Variants in RIGI observed in about 807,000 individuals in gnomAD.
RIGI encodes RNA sensor RIG-I.
At chr9:32,512,501 G>A in the RIGI span, among the ~76,000 whole-genome samples, 4,540 of 152,086 alleles carry the variant, frequency 0.03, 82 homozygotes, top group South Asian at 0.066. Flanking sequence ...AGAAAACGCC[G>A]TTGATAAAAT....
At chr9:32,459,484 T>G in the RIGI span, 14 of 1,612,288 alleles carry the variant, frequency 8.7e-6, no homozygotes, top group Non-Finnish European at 1.1e-5. Flanking sequence ...CTATCTCTGA[T>G]GAATTTTTCA....
chr9:32,474,877 T>G, the RIGI span, among the ~76,000 whole-genome samples: 2 of 152,206 alleles, frequency 1.3e-5, no homozygotes, highest in African/African-American at 4.8e-5. Flanking sequence ...TAAAGAGATA[T>G]ACTATGGTCA....
At chr9:32,522,065 T>C in the RIGI span, among the ~76,000 whole-genome samples, 2 of 152,260 alleles carry the variant, frequency 1.3e-5, no homozygotes, top group Non-Finnish European at 2.9e-5. Context: ...CTTCTAGGAC[T>C]CTTAATTAGA....
At chr9:32,477,665 C>T in the RIGI span, among the ~76,000 whole-genome samples, 1 of 152,160 alleles carries the variant, frequency 6.6e-6, no homozygotes, top group African/African-American at 2.4e-5. Flanking sequence ...TGGCTCACAC[C>T]TGTAATCCCA....
At chr9:32,496,409 C>T in the RIGI span, among the ~76,000 whole-genome samples, 30,220 of 152,096 alleles carry the variant, frequency 0.2, 3,298 homozygotes, top group Non-Finnish European at 0.26. Flanking sequence ...AAGAAATTCA[C>T]CCTCACTGAT....
the RIGI span, among the ~76,000 whole-genome samples, chr9:32,507,235 T>C: frequency 6.6e-6 from 1 of 152,134 alleles, no homozygotes; most frequent in Admixed American, 6.5e-5. Flanking sequence ...AATTTGAAAA[T>C]AAAACTCATA....
chr9:32,516,028 A>G, the RIGI span, among the ~76,000 whole-genome samples: 1 of 152,340 alleles, frequency 6.6e-6, no homozygotes, highest in South Asian at 2.1e-4. Context: ...CATTTATTCC[A>G]GAAAAACAGA....
At chr9:32,494,399 T>A in the RIGI span, among the ~76,000 whole-genome samples, 3 of 152,252 alleles carry the variant, frequency 2.0e-5, no homozygotes, top group Admixed American at 6.5e-5. Context: ...ATTAAGTAAA[T>A]GGGAAATTTA....
At chr9:32,455,692 C>A in the RIGI span, 9 of 151,750 alleles carry the variant, frequency 5.9e-5, no homozygotes, top group South Asian at 2.1e-4. Flanking sequence ...TGAAAAAAAA[C>A]CAACTCATAA....
At chr9:32,476,162 A>G in the RIGI span, among the ~76,000 whole-genome samples, 5 of 152,168 alleles carry the variant, frequency 3.3e-5, no homozygotes, top group African/African-American at 1.2e-4. Flanking sequence ...TTAAAAAGTA[A>G]AAAAAGGAAG....
At chr9:32,487,585 C>T in the RIGI span, 1 of 1,614,216 alleles carries the variant, frequency 6.2e-7, no homozygotes, top group Non-Finnish European at 8.5e-7. Context: ...AAGGCTTCAT[C>T]TGTGTTTTTG....
At chr9:32,524,596 G>T in the RIGI span, among the ~76,000 whole-genome samples, 11 of 67,570 alleles carry the variant, frequency 1.6e-4, no homozygotes, top group South Asian at 7.3e-4. Context: ...TTGTTTTTCG[G>T]TTTTTTTTTT....
At chr9:32,510,360 G>A in the RIGI span, among the ~76,000 whole-genome samples, 2 of 152,296 alleles carry the variant, frequency 1.3e-5, no homozygotes, top group South Asian at 4.1e-4. Flanking sequence ...TACTCACAAA[G>A]GGAAGCCCAT....
the RIGI span, chr9:32,494,065 C>T: frequency 2.8e-6 from 2 of 720,318 alleles, no homozygotes; most frequent in South Asian, 4.2e-5. Context: ...CTGTAAATTA[C>T]CCCCAATTGT....
the RIGI span, among the ~76,000 whole-genome samples, chr9:32,486,818 A>G: frequency 4.9e-3 from 751 of 152,300 alleles, 4 homozygotes; most frequent in African/African-American, 0.017. Flanking sequence ...AGTTGGGATC[A>G]GGTACATCAA....
chr9:32,489,243 C>T, the RIGI span: 39 of 736,118 alleles, frequency 5.3e-5, no homozygotes, highest in East Asian at 9.5e-4. Context: ...ACACATGGAA[C>T]AAGGAAAAAA....
At chr9:32,467,103 T>G in the RIGI span, among the ~76,000 whole-genome samples, 2 of 151,938 alleles carry the variant, frequency 1.3e-5, no homozygotes, top group Admixed American at 1.3e-4. Flanking sequence ...AGAGGTAAAA[T>G]GAAGAGTAGC....
chr9:32,466,207 T>C, the RIGI span: 59 of 1,404,918 alleles, frequency 4.2e-5, no homozygotes, highest in East Asian at 1.2e-3. Context: ...CTCTAAGCAA[T>C]ATGATAAAAG....
the RIGI span, among the ~76,000 whole-genome samples, chr9:32,467,318 G>A: frequency 1.3e-5 from 2 of 152,184 alleles, no homozygotes; most frequent in African/African-American, 2.4e-5. Flanking sequence ...TTCAGGAAAA[G>A]TAATATGATA....
Sources: gnomAD v4.1 joint callset for allele counts (sites outside exome capture counted in the v4.1 genomes callset) on GRCh38, gnomAD v4.1.1 for gene constraint, MANE v1.5 for transcripts, NCBI Gene and HGNC (gene_info 2026-07-23, HGNC 2026-07-21) for gene names.